ORC1: variants seen among roughly 807,000 people sequenced by gnomAD.
The protein encoded by ORC1 is origin recognition complex, subunit 1 homolog.
Under a neutral mutation model 98.9 loss-of-function variants are expected in ORC1, and 61 were observed. The observed-to-expected ratio is 0.62, with a 90% CI of 0.50 to 0.76. The LOEUF (loss-of-function observed/expected upper bound fraction) is 0.76. Among genes scored for constraint, ORC1 ranks in the 30% least tolerant of loss-of-function variants. ORC1 has a pLI of 0.00. For missense variants in ORC1, 979 were observed against 1,072.2 expected (o/e 0.91, Z 1.21); for synonymous variants, 385 against 406.9 (o/e 0.95, Z 0.65).
At chr1:52,395,702 G>C (rs576610036) in intron 5 of ORC1, among the ~76,000 whole-genome samples, 2 of 152,308 alleles carry the variant, frequency 1.3e-5, no homozygotes, top group South Asian at 4.1e-4. Context: ...TGTAGTCCCA[G>C]CTACTTGGGA....
chr1:52,383,337 C>T, intron 13 of ORC1, 83 bp downstream of exon 13: 1 of 1,547,108 alleles, frequency 6.5e-7, no homozygotes, highest in East Asian at 2.3e-5. Flanking sequence ...GCGTGAGCCA[C>T]CACACCTGGA....
At chr1:52,381,190 G>C (rs1237162341) in intron 14 of ORC1, among the ~76,000 whole-genome samples, 1 of 152,200 alleles carries the variant, frequency 6.6e-6, no homozygotes, top group Non-Finnish European at 1.5e-5. Flanking sequence ...AGCCTGGAGA[G>C]TGTGCCTTGC....
intron 3 of ORC1, 95 bp downstream of exon 3, chr1:52,401,267 C>T (rs1460523088): frequency 1.3e-6 from 2 of 1,483,486 alleles, no homozygotes; most frequent in African/African-American, 1.4e-5. Context: ...GTCTAATGTG[C>T]CCTGCACACT....
chr1:52,400,400 T>G (rs1393160868), intron 3 of ORC1, among the ~76,000 whole-genome samples: 1 of 152,246 alleles, frequency 6.6e-6, no homozygotes, highest in Non-Finnish European at 1.5e-5. Context: ...GCTTATGACT[T>G]GTTTTTTTCT....
At chr1:52,404,590 C>A (rs1244262782), upstream of ORC1, 4 of 652,728 alleles carry the variant, frequency 6.1e-6, no homozygotes, top group Non-Finnish European at 1.0e-5. Flanking sequence ...ACGCGGGGAG[C>A]GGAAGCCCTT....
rs2147940706 is a variant in ORC1, at chr1:52,396,066, C to G, written c.701G>C (p.Arg234Thr). 5.6e-6 allele frequency: 9 copies of G among 1,614,194 alleles called. No homozygotes were observed. The highest frequency in any genetic ancestry group is 7.6e-6 in the Non-Finnish European group (9 of 1,180,036). Reference protein sequence around the residue: ...TPTHPLTPRARKRLELGNLGN... With the variant: ...TPTHPLTPRATKRLELGNLGN... ...CTTACTGCCAAGCTCCAGCCTCTTTCTGGCTCTTGGGGTAAGAGGATGGGT... is the reference window on the plus strand; with the variant it reads ...CTTACTGCCAAGCTCCAGCCTCTTTGTGGCTCTTGGGGTAAGAGGATGGGT... The change falls in exon 5 of 17, where the codon AGA (arginine) becomes ACA (threonine). Residue 234 changes from arginine to threonine, a missense_variant. By Grantham distance (71) the Arg-to-Thr change is moderately conservative. Transcript: ENST00000371568.
intron 4 of ORC1, 143 bp downstream of exon 4, chr1:52,397,540 AAC>A (rs1647461568): frequency 4.9e-6 from 4 of 808,442 alleles, no homozygotes; most frequent in South Asian, 2.9e-5. Context: ...GTTGAGATGA[AAC>A]AGACAGGCAA....
chr1:52,405,030 C>T (rs1419029105), upstream of ORC1: 4 of 813,982 alleles, frequency 4.9e-6, no homozygotes, highest in South Asian at 6.8e-5. Flanking sequence ...TGCTAAGTGC[C>T]TCGTCTTGTG....
In ORC1 at chr1:52,385,884, C is replaced by T. The variant is rs1209962752; in HGVS notation, c.1449G>A (p.Glu483=). ...QIRSRSLAAQ[E]PASVLEEARL... ...GGGCTTCCTCCAGCACACTGGCTGG[C>T]TCCTGGGCAGCCAGGCTTCGACTAC... Residue 483 remains glutamate, a synonymous_variant, in exon 9 of 17, where the codon GAG becomes GAA. Transcript: ENST00000371568. The T allele has an allele frequency of 3.1e-6, 5 of 1,613,802 alleles. No homozygotes were observed. In the South Asian group the frequency reaches 5.5e-5, roughly 18 times the overall value.
At chr1:52,389,927 G>C (rs547267602) in intron 6 of ORC1, among the ~76,000 whole-genome samples, 1 of 152,268 alleles carries the variant, frequency 6.6e-6, no homozygotes, top group African/African-American at 2.4e-5. Context: ...AATTAAAAAA[G>C]AGCATGTCAA....
At chr1:52,400,198 CT>C (rs1647636661) in intron 3 of ORC1, among the ~76,000 whole-genome samples, 1 of 152,210 alleles carries the variant, frequency 6.6e-6, no homozygotes, top group African/African-American at 2.4e-5. Context: ...CTCCCCTTAT[CT>C]GCTGAGGGTA....
At chr1:52,385,506 T>A (rs751620945) in intron 9 of ORC1, among the ~76,000 whole-genome samples, 37 of 152,138 alleles carry the variant, frequency 2.4e-4, no homozygotes, top group Admixed American at 2.0e-4. Flanking sequence ...AGATTTTGCT[T>A]GATTTCTGAC....
intron 12 of ORC1, 90 bp from the exon 13 acceptor site, chr1:52,383,659 C>T (rs1647103487): frequency 6.8e-7 from 1 of 1,464,136 alleles, no homozygotes; most frequent in African/African-American, 1.4e-5. Context: ...GCTTTAGCTG[C>T]ATGTTTCCCA....
upstream of ORC1, chr1:52,408,584 G>A (rs762595681): frequency 2.2e-5 from 35 of 1,614,034 alleles, no homozygotes; most frequent in Non-Finnish European, 3.0e-5. Flanking sequence ...TCCGCATGCT[G>A]GGGGCACTTT....
intron 6 of ORC1, among the ~76,000 whole-genome samples, chr1:52,392,063 T>C (rs950630615): frequency 2.6e-5 from 4 of 151,930 alleles, no homozygotes; most frequent in Non-Finnish European, 5.9e-5. Flanking sequence ...ACCTTATTCC[T>C]GTTAGAATGG....
In ORC1 at chr1:52,373,474, C is replaced by A. The variant is rs933753733; in HGVS notation, c.2392-99G>T. The A allele has an allele frequency of 4.8e-5, 49 of 1,012,346 alleles. No homozygotes were observed. In the South Asian group the frequency reaches 6.5e-4, roughly 13 times the overall value. The allele number at this position is 1,012,346 out of a possible 1,614,324, so 62.7% of individuals were successfully genotyped here. A position where few individuals can be genotyped will look rare whatever the true frequency, so the allele number is the denominator to read the frequency against. On this transcript the variant is annotated intron_variant, in intron 16 of 16. Coordinates refer to ENST00000371568, the MANE Select transcript of ORC1 (RefSeq NM_004153.4). ...ATTTGGGAAAATCAGACACATGGCC[C>A]CCAGGATATCAAACACTCCAGAAGG...
chr1:52,404,971 G>T (rs1037253619), upstream of ORC1: 2 of 1,476,688 alleles, frequency 1.4e-6, no homozygotes, highest in African/African-American at 2.8e-5. Flanking sequence ...GCCTCTGGGG[G>T]TGGTACTGGA....
At chr1:52,403,135 A>T (rs762527303) in intron 1 of ORC1, among the ~76,000 whole-genome samples, 104 of 152,244 alleles carry the variant, frequency 6.8e-4, no homozygotes, top group Non-Finnish European at 1.1e-3. Context: ...CTGACTGAAC[A>T]TTGTGGATTG....
chr1:52,396,871 A>G (rs550312046), intron 4 of ORC1, among the ~76,000 whole-genome samples: 1 of 152,250 alleles, frequency 6.6e-6, no homozygotes, highest in Admixed American at 6.5e-5. Context: ...TACTTAAACT[A>G]ATTTTTCAAT....
Sources: allele counts gnomAD v4.1 joint callset (sites outside exome capture counted in the v4.1 genomes callset), GRCh38; gene constraint gnomAD v4.1.1; transcripts MANE v1.5; gene names NCBI Gene and HGNC (gene_info 2026-07-23, HGNC 2026-07-21).